Variants in TNIP3 observed in about 807,000 individuals in gnomAD.
TNIP3 encodes the protein TNFAIP3-interacting protein 3.
Under a neutral mutation model 54.1 loss-of-function variants are expected in TNIP3, and 34 were observed. The ratio of observed to expected loss-of-function variants is 0.63; its 90% confidence interval spans 0.48 to 0.84. TNIP3 has a LOEUF of 0.84. TNIP3 is among the 40% of genes least tolerant of loss of function. TNIP3 has a pLI of 0.00. For missense variants in TNIP3, 366 were observed against 387.6 expected (o/e 0.94, Z 0.47); for synonymous variants, 134 against 136.8 (o/e 0.98, Z 0.14).
upstream of TNIP3, among the ~76,000 whole-genome samples, chr4:121,217,571 G>A (rs553401383): frequency 3.3e-5 from 5 of 151,954 alleles, no homozygotes; most frequent in Non-Finnish European, 7.4e-5. Flanking sequence ...TGGAGGAGTT[G>A]GACCACCAAC....
intron 3 of TNIP3, among the ~76,000 whole-genome samples, chr4:121,172,213 T>C (rs1724011569): frequency 6.6e-6 from 1 of 152,188 alleles, no homozygotes; most frequent in Admixed American, 6.5e-5. Flanking sequence ...CCTTATGACT[T>C]GTCTAAGTAG....
chr4:121,208,686 T>C (rs1268165085), intron 2 of TNIP3, among the ~76,000 whole-genome samples: 7 of 152,180 alleles, frequency 4.6e-5, no homozygotes, highest in South Asian at 2.1e-4. Flanking sequence ...GGAGAATCCA[T>C]TGGGCTGTTA....
At chr4:121,182,214 A>G (rs894869030) in intron 3 of TNIP3, among the ~76,000 whole-genome samples, 28 of 152,214 alleles carry the variant, frequency 1.8e-4, no homozygotes, top group African/African-American at 6.8e-4. Flanking sequence ...AAATACCCTG[A>G]AACGAGTGGA....
chr4:121,214,353 T>A (rs112711632), intron 2 of TNIP3, among the ~76,000 whole-genome samples: 77 of 152,336 alleles, frequency 5.1e-4, no homozygotes, highest in African/African-American at 1.7e-3. Flanking sequence ...GAAATACAAA[T>A]TTTTAACCAC....
At chr4:121,191,354 G>A (rs1725299402) in intron 2 of TNIP3, among the ~76,000 whole-genome samples, 1 of 152,100 alleles carries the variant, frequency 6.6e-6, no homozygotes, top group Non-Finnish European at 1.5e-5. Context: ...AATACACTCA[G>A]GTGGGTTTAT....
intron 2 of TNIP3, among the ~76,000 whole-genome samples, chr4:121,185,724 C>T (rs1030918451): frequency 6.6e-6 from 1 of 152,178 alleles, no homozygotes; most frequent in African/African-American, 2.4e-5. Flanking sequence ...AGTGGAAACA[C>T]AAATCAGTAA....
intron 3 of TNIP3, among the ~76,000 whole-genome samples, chr4:121,179,556 C>T (rs545781520): frequency 3.3e-5 from 5 of 152,260 alleles, no homozygotes; most frequent in African/African-American, 1.2e-4. Flanking sequence ...AAGTTTTAAC[C>T]ACTTTTAGGT....
At position 121,142,780 on chromosome 4, in the gene TNIP3, A is replaced by G. The variant is rs1560638783; in HGVS notation, c.736-4T>C. Reference sequence around the variant, plus strand: ...TCTCCATCTGACAAGCTTTTATCTAAAGACAAAACAAAGGCATTTGTTAAT... The same window carrying G: ...TCTCCATCTGACAAGCTTTTATCTAGAGACAAAACAAAGGCATTTGTTAAT... On this transcript the variant is annotated splice_region_variant and splice_polypyrimidine_tract_variant and intron_variant, in intron 7 of 10. Transcript: ENST00000057513. 6.2e-7 allele frequency: 1 copy of G among 1,610,922 alleles called. No homozygotes were observed. Among genetic ancestry groups the G allele is most frequent in the African/African-American group, 1.3e-5 (1 of 74,982 alleles).
chr4:121,226,225 A>T (rs1190690077), intron 1 of TNIP3, among the ~76,000 whole-genome samples: 1 of 151,974 alleles, frequency 6.6e-6, no homozygotes, highest in African/African-American at 2.4e-5. Context: ...ACAGAGGCAG[A>T]GGTACACATA....
At chr4:121,223,756 G>T (rs997100632) in intron 1 of TNIP3, among the ~76,000 whole-genome samples, 15 of 152,142 alleles carry the variant, frequency 9.9e-5, no homozygotes, top group Admixed American at 8.5e-4. Flanking sequence ...ATGCATAATT[G>T]TAATACTAGT....
intron 6 of TNIP3, among the ~76,000 whole-genome samples, chr4:121,148,615 G>A (rs1424426378): frequency 6.6e-6 from 1 of 152,138 alleles, no homozygotes; most frequent in Non-Finnish European, 1.5e-5. Flanking sequence ...CTCTTCGTCG[G>A]TTTATTTTTC....
At chr4:121,226,159 C>T (rs1727246551) in intron 1 of TNIP3, among the ~76,000 whole-genome samples, 1 of 56,994 alleles carries the variant, frequency 1.8e-5, no homozygotes, top group African/African-American at 9.0e-5. Flanking sequence ...GAGATCAAGA[C>T]AAAAAAGAGA....
At chr4:121,206,666 C>T (rs180762019) in intron 2 of TNIP3, among the ~76,000 whole-genome samples, 2 of 152,228 alleles carry the variant, frequency 1.3e-5, no homozygotes, top group Admixed American at 1.3e-4. Flanking sequence ...CCCACCTCAG[C>T]CTCCTGAGTA....
At chr4:121,161,455 T>C (rs1252925120) in intron 1 of TNIP3, among the ~76,000 whole-genome samples, 1 of 152,180 alleles carries the variant, frequency 6.6e-6, no homozygotes, top group East Asian at 1.9e-4. Context: ...AATTCTTTAA[T>C]AAATTATAAA....
upstream of TNIP3, among the ~76,000 whole-genome samples, chr4:121,164,523 C>A (rs1730652524): frequency 6.6e-6 from 1 of 152,160 alleles, no homozygotes; most frequent in African/African-American, 2.4e-5. Flanking sequence ...CCTGGGCAAT[C>A]CAAGTGTTTC....
chr4:121,195,696 T>C (rs974203299), intron 2 of TNIP3, among the ~76,000 whole-genome samples: 3 of 152,238 alleles, frequency 2.0e-5, no homozygotes, highest in Non-Finnish European at 2.9e-5. Context: ...CTAGTATTTG[T>C]AGTAATGCAG....
chr4:121,161,478 C>T (rs1456863047), intron 1 of TNIP3, among the ~76,000 whole-genome samples: 12 of 151,960 alleles, frequency 7.9e-5, no homozygotes, highest in Admixed American at 7.2e-4. Flanking sequence ...TATCTGTATA[C>T]TATAACGGGT....
chr4:121,150,676 T>C (rs1194372998), intron 5 of TNIP3, among the ~76,000 whole-genome samples: 1 of 152,228 alleles, frequency 6.6e-6, no homozygotes, highest in Non-Finnish European at 1.5e-5. Flanking sequence ...GAATTTGCAT[T>C]TCTCAGAAGC....
At chr4:121,209,167 C>G (rs987194825) in intron 2 of TNIP3, among the ~76,000 whole-genome samples, 1 of 152,194 alleles carries the variant, frequency 6.6e-6, no homozygotes, top group Non-Finnish European at 1.5e-5. Flanking sequence ...TGACAGCATC[C>G]CCATGCCTCA....
Sources: allele counts gnomAD v4.1 joint callset (sites outside exome capture counted in the v4.1 genomes callset), GRCh38; gene constraint gnomAD v4.1.1; transcripts MANE v1.5; gene names NCBI Gene and HGNC (gene_info 2026-07-23, HGNC 2026-07-21).